AUTS2: variants seen among roughly 807,000 people sequenced by gnomAD.
AUTS2 encodes autism susceptibility gene 2 protein.
A neutral mutation model predicts 112.4 loss-of-function variants in AUTS2; 17 were observed. That is an observed-to-expected ratio of 0.15 (90% CI 0.10 to 0.23). The LOEUF (loss-of-function observed/expected upper bound fraction) is 0.23, where lower values mean the gene tolerates loss of function less well. AUTS2 is among the 10% of genes least tolerant of loss of function. The pLI, the probability that AUTS2 is intolerant of heterozygous loss-of-function variation, is 1.00. For synonymous variants in AUTS2, 751 were observed against 702.7 expected (o/e 1.07, Z -1.09); for missense variants, 1,510 against 1,701.6 (o/e 0.89, Z 1.98).
intron 1 of AUTS2, among the ~76,000 whole-genome samples, chr7:69,835,269 A>T (rs140572857): frequency 6.6e-6 from 1 of 152,198 alleles, no homozygotes; most frequent in East Asian, 1.9e-4. Flanking sequence ...AGGAAAGGAG[A>T]ATTAAAATAA....
At chr7:70,051,814 A>G (rs543915967) in intron 2 of AUTS2, among the ~76,000 whole-genome samples, 6 of 152,224 alleles carry the variant, frequency 3.9e-5, no homozygotes, top group Non-Finnish European at 8.8e-5. Context: ...TTTATGGAGT[A>G]GTTTAATACT....
intron 5 of AUTS2, among the ~76,000 whole-genome samples, chr7:70,508,152 C>CT (rs34490454): frequency 0.087 from 13,271 of 151,704 alleles, 802 homozygotes; most frequent in African/African-American, 0.17. Flanking sequence ...GAGCAGAGGG[C>CT]TTTTTTTTGT....
intron 4 of AUTS2, among the ~76,000 whole-genome samples, chr7:70,231,327 A>G (rs187890743): frequency 6.6e-6 from 1 of 152,330 alleles, no homozygotes; most frequent in Admixed American, 6.5e-5. Flanking sequence ...GATACAGGAC[A>G]TGTCCAGCAC....
rs183341562 is a variant in AUTS2, at chr7:70,500,371, C to A, written c.690+64590C>A. Among the ~76,000 whole-genome samples the A allele has an allele frequency of 8.7e-4, 132 of 152,112 alleles. 1 individual carries two copies. Among genetic ancestry groups the A allele is most frequent in the Non-Finnish European group, 2.6e-4 (18 of 68,014 alleles). On this transcript the variant is annotated intron_variant, in intron 5 of 18. Coordinates refer to ENST00000342771, the MANE Select transcript of AUTS2 (RefSeq NM_015570.4). Reference sequence around the variant, plus strand: ...GAATAAAAGCCCAGGAAAAGGAATGCAGAAGGAAAGTGATGGAACGGCATG... The same window carrying A: ...GAATAAAAGCCCAGGAAAAGGAATGAAGAAGGAAAGTGATGGAACGGCATG...
intron 1 of AUTS2, among the ~76,000 whole-genome samples, chr7:69,874,888 C>G (rs530966328): frequency 6.6e-6 from 1 of 151,444 alleles, no homozygotes; most frequent in South Asian, 2.1e-4. Context: ...CCAGGCTGGT[C>G]GCGAACTCTT....
chr7:70,454,415 T>C (rs1337293370), intron 5 of AUTS2, among the ~76,000 whole-genome samples: 1 of 152,006 alleles, frequency 6.6e-6, no homozygotes, highest in Non-Finnish European at 1.5e-5. Context: ...CAGGCACCTG[T>C]AATCCCAGCT....
rs368562752 is a variant in AUTS2, at chr7:70,742,528, G to A, written c.743-20342G>A. ...CTGTAATCTCAGCACTTTGGGAGGC[G>A]AAGGTGAGTGGATCACCTGAGGTCA... On this transcript the variant is annotated intron_variant, in intron 6 of 18. Transcript: ENST00000342771. Among the ~76,000 whole-genome samples, 8 of 151,984 alleles carry A rather than the reference G, an allele frequency of 5.3e-5. No individual in the cohort carries two copies. In the East Asian group the frequency reaches 1.4e-3, roughly 26 times the overall value.
rs1444989927 is a variant in AUTS2 at position 70,092,633 on chromosome 7, G to A, written c.523-25499G>A. 2.0e-5 allele frequency among the ~76,000 whole-genome samples: 3 copies of A among 152,146 alleles called. No homozygotes were observed. In the East Asian group the frequency reaches 5.8e-4, roughly 29 times the overall value. On this transcript the variant is annotated intron_variant, in intron 2 of 18. Coordinates refer to ENST00000342771, the MANE Select transcript of AUTS2 (RefSeq NM_015570.4). ...GAGTGAAAGCTGATATTGGAATAAC[G>A]ACTCTGTGGCACAGACATGGGAATA...
chr7:70,425,880 A>T (rs1795415487), intron 4 of AUTS2, among the ~76,000 whole-genome samples: 1 of 152,204 alleles, frequency 6.6e-6, no homozygotes, highest in African/African-American at 2.4e-5. Context: ...ACATCTATTG[A>T]TTGCTTCCTA....
At chr7:70,285,439 C>T (rs529782478) in intron 4 of AUTS2, among the ~76,000 whole-genome samples, 1 of 152,132 alleles carries the variant, frequency 6.6e-6, no homozygotes, top group Admixed American at 6.5e-5. Flanking sequence ...TTGGAGTTAG[C>T]CCAGACATAA....
chr7:70,275,729 C>T (rs1325634157), intron 4 of AUTS2, among the ~76,000 whole-genome samples: 1 of 152,116 alleles, frequency 6.6e-6, no homozygotes, highest in African/African-American at 2.4e-5. Context: ...AGTGAGTACT[C>T]ACAAGGTCTA....
At chr7:70,711,226 A>C (rs1290824189) in intron 6 of AUTS2, among the ~76,000 whole-genome samples, 4 of 151,898 alleles carry the variant, frequency 2.6e-5, no homozygotes, top group Non-Finnish European at 5.9e-5. Flanking sequence ...TTACACCTCC[A>C]CCTTCTGTAT....
intron 2 of AUTS2, among the ~76,000 whole-genome samples, chr7:69,984,238 T>C (rs1250629516): frequency 6.6e-6 from 1 of 151,906 alleles, no homozygotes; most frequent in Non-Finnish European, 1.5e-5. Flanking sequence ...ACCCCGTCTC[T>C]ACTAAAAATA....
intron 4 of AUTS2, among the ~76,000 whole-genome samples, chr7:70,253,300 A>C (rs1451370772): frequency 6.6e-6 from 1 of 152,142 alleles, no homozygotes; most frequent in South Asian, 2.1e-4. Flanking sequence ...CTTTATTTAA[A>C]ATCTTTAACT....
intron 2 of AUTS2, among the ~76,000 whole-genome samples, chr7:70,044,667 A>C (rs1801420963): frequency 6.6e-6 from 1 of 152,218 alleles, no homozygotes; most frequent in African/African-American, 2.4e-5. Context: ...TGCCTTTGCT[A>C]TCCATGGGAG....
chr7:70,370,425 A>T (rs1792788560), intron 4 of AUTS2, among the ~76,000 whole-genome samples: 1 of 152,204 alleles, frequency 6.6e-6, no homozygotes, highest in South Asian at 2.1e-4. Context: ...AAATGGAATC[A>T]TACAATATAT....
At chr7:69,761,936 C>G (rs1788201975) in intron 1 of AUTS2, among the ~76,000 whole-genome samples, 1 of 152,126 alleles carries the variant, frequency 6.6e-6, no homozygotes, top group East Asian at 1.9e-4. Flanking sequence ...GTTTTTTATT[C>G]ATTTGCACAT....
chr7:70,074,484 A>C (rs756521570), intron 2 of AUTS2, among the ~76,000 whole-genome samples: 30 of 152,078 alleles, frequency 2.0e-4, no homozygotes, highest in Non-Finnish European at 4.0e-4. Flanking sequence ...CACTCTTTTT[A>C]TTTTGGACCA....
At chr7:70,229,804 A>T (rs1811950252) in intron 4 of AUTS2, among the ~76,000 whole-genome samples, 1 of 152,082 alleles carries the variant, frequency 6.6e-6, no homozygotes, top group Non-Finnish European at 1.5e-5. Context: ...ATCTGTGTTG[A>T]AATGCACTGA....
Sources: allele counts gnomAD v4.1 joint callset (sites outside exome capture counted in the v4.1 genomes callset), GRCh38; gene constraint gnomAD v4.1.1; transcripts MANE v1.5; gene names NCBI Gene and HGNC (gene_info 2026-07-23, HGNC 2026-07-21).